Variants in KRT32 observed in about 807,000 individuals in gnomAD.
KRT32 encodes keratin 32.
In KRT32, 44 loss-of-function variants were observed where a neutral mutation model predicts 41.8. The observed-to-expected ratio is 1.05, with a 90% CI of 0.83 to 1.35. The LOEUF (loss-of-function observed/expected upper bound fraction) is 1.35, where lower values mean the gene tolerates loss of function less well. Among genes scored for constraint, KRT32 ranks in the 40% most tolerant of loss-of-function variants. KRT32 has a pLI of 0.00. For missense variants in KRT32, 576 were observed against 584.6 expected (o/e 0.99, Z 0.15); for synonymous variants, 238 against 242.5 (o/e 0.98, Z 0.17).
intron 1 of KRT32, 89 bp downstream of exon 1, chr17:41,466,769 G>C (rs747979325): frequency 2.1e-5 from 20 of 960,002 alleles, no homozygotes; most frequent in Non-Finnish European, 3.1e-5. Context: ...CCTGAACATA[G>C]CTTAATAAGC....
chr17:41,467,372 A>G lies in KRT32; in HGVS notation c.-47T>C. 1 of 1,431,740 alleles carries G rather than the reference A, an allele frequency of 7.0e-7. No individual in the cohort carries two copies. 88.7% of individuals were successfully genotyped at this position (1,431,740 alleles called of 1,614,324 possible). A position where few individuals can be genotyped will look rare whatever the true frequency, so the allele number is the denominator to read the frequency against. On this transcript the variant is annotated 5_prime_UTR_variant, in exon 1 of 7. Transcript: ENST00000225899. The stretch of plus-strand genomic sequence containing the variant: ...CAGCCACAGCTACCTGGATGTCTAC[A>G]GACCCCATGCCGCCCGGGCCATTTT...
intron 5 of KRT32, among the ~76,000 whole-genome samples, chr17:41,463,402 C>T (rs1485038872): frequency 6.6e-6 from 1 of 152,156 alleles, no homozygotes; most frequent in Non-Finnish European, 1.5e-5. Context: ...ACATGGGAGC[C>T]CTCAAAAAAT....
intron 2 of KRT32, 50 bp from the exon 3 acceptor site, chr17:41,465,979 C>T (rs1317580465): frequency 6.2e-7 from 1 of 1,603,050 alleles, no homozygotes. Flanking sequence ...ATGCAGAACT[C>T]AGGGAAGGCC....
chr17:41,463,828 T>C (rs1567701327), intron 5 of KRT32, among the ~76,000 whole-genome samples: 1 of 152,212 alleles, frequency 6.6e-6, no homozygotes, highest in Non-Finnish European at 1.5e-5. Flanking sequence ...AAGGGCAGGC[T>C]AAGCACAGAA....
At position 41,465,919 on chromosome 17, in the gene KRT32, C is replaced by G; in HGVS notation, c.562G>C (p.Glu188Gln). The G allele has an allele frequency of 6.2e-7, 1 of 1,613,438 alleles. No homozygotes were observed. The highest frequency in any genetic ancestry group is 8.5e-7 in the Non-Finnish European group (1 of 1,179,516). ...ADDFRAKYEA[E>Q]LAMRQLVEAD... is the part of the protein sequence containing the mutation. ...TCCACCAGCTGCCGCATGGCCAGCT[C>G]TGCCTCGTACCTGCACAAGGACAGG... The change falls in exon 3 of 7, where the codon GAG (glutamate) becomes CAG (glutamine). Residue 188 changes from glutamate (E) to glutamine (Q), a missense_variant. By Grantham distance (29) the Glu-to-Gln change is conservative. Transcript: ENST00000225899.
Position 41,460,099 on chromosome 17 carries a change from A to C in KRT32, c.*11T>G, listed in dbSNP as rs887967763. ...CCCAGGCCCTCCAGGATCCACTGGC[A>C]CAAAGGGACTTCAGTAGCGGCCCTG... On this transcript the variant is annotated 3_prime_UTR_variant, in exon 7 of 7. Coordinates refer to ENST00000225899, the MANE Select transcript of KRT32 (RefSeq NM_002278.3). 1 of 1,594,966 alleles carries C rather than the reference A, an allele frequency of 6.3e-7. No individual in the cohort carries two copies. Among genetic ancestry groups the C allele is most frequent in the Non-Finnish European group, 8.5e-7 (1 of 1,170,698 alleles).
chr17:41,463,787 G>A (rs1426307120), intron 5 of KRT32, among the ~76,000 whole-genome samples: 1 of 152,178 alleles, frequency 6.6e-6, no homozygotes. Flanking sequence ...CTGGGCATCA[G>A]GATGGGTGAT....
intron 6 of KRT32, 43 bp downstream of exon 6, chr17:41,462,787 A>T (rs2019015744): frequency 6.2e-7 from 1 of 1,604,236 alleles, no homozygotes; most frequent in African/African-American, 1.3e-5. Flanking sequence ...ACCTCCCAGA[A>T]TCCCTGCCCA....
intron 6 of KRT32, among the ~76,000 whole-genome samples, chr17:41,461,374 T>C (rs1052107438): frequency 3.9e-5 from 6 of 152,212 alleles, no homozygotes; most frequent in Non-Finnish European, 8.8e-5. Context: ...TCTCAGAGAC[T>C]GACAGGCATG....
Position 41,465,895 on chromosome 17 carries a change from C to T in KRT32, c.586G>A (p.Glu196Lys). The change falls in exon 3 of 7, where the codon GAG becomes AAG. Residue 196 changes from glutamate to lysine, a missense_variant. Physicochemically the swap from Glu to Lys is moderately conservative, Grantham distance 56. Coordinates refer to ENST00000225899, the MANE Select transcript of KRT32 (RefSeq NM_002278.3). ...EAELAMRQLV[E>K]ADINGLRRIL... ...CTGCGCAGGCCATTGATGTCGGCCT[C>T]CACCAGCTGCCGCATGGCCAGCTCT... 9 of 1,614,004 alleles carry T rather than the reference C, an allele frequency of 5.6e-6. No homozygotes were observed. The highest frequency in any genetic ancestry group is 4.4e-5 in the South Asian group (4 of 91,068).
rs1260186376 is a variant in KRT32, at chr17:41,466,963, A to G, written c.363T>C (p.Asn121=). Residue 121 remains asparagine, a synonymous_variant, in exon 1 of 7, where the codon AAT becomes AAC. Transcript: ENST00000225899. ...CTTGGATCCTGCTCTCCAGCTCCGC[A>G]TTCTCCTGCTCCAGCTGCCGCACCC... ...LTRVRQLEQE[N]AELESRIQEA... 7.4e-6 allele frequency: 12 copies of G among 1,614,216 alleles called. No individual in the cohort carries two copies. In the East Asian group the frequency reaches 2.5e-4, roughly 33 times the overall value.
chr17:41,467,185 C>T lies in KRT32; in HGVS notation c.141G>A (p.Leu47=), dbSNP rs763094161. The change falls in exon 1 of 7, where the codon CTG becomes CTA. Residue 47 remains leucine (L), a synonymous_variant. Transcript: ENST00000225899. Reference sequence around the variant, plus strand: ...AGGTGGTGGGCAGGCAGACCGAAGGCAGGCATGCCATGGGCTGGCAGACAT... The same window carrying T: ...AGGTGGTGGGCAGGCAGACCGAAGGTAGGCATGCCATGGGCTGGCAGACAT... The part of the protein sequence containing the change: ...LGYVCQPMAC[L]PSVCLPTTFR... 1 of 1,613,960 alleles carries T rather than the reference C, an allele frequency of 6.2e-7. No individual in the cohort carries two copies. Among genetic ancestry groups the T allele is most frequent in the Admixed American group, 1.7e-5 (1 of 60,030 alleles).
At chr17:41,463,132 C>T (rs2019024232) in intron 5 of KRT32, 82 bp from the exon 6 acceptor site, 5 of 1,367,374 alleles carry the variant, frequency 3.7e-6, no homozygotes, top group Non-Finnish European at 5.0e-6. Context: ...AGAGCCAAAT[C>T]TCCCTTTGAT....
At position 41,464,305 on chromosome 17, in the gene KRT32, C is replaced by T. The variant is rs116221624; in HGVS notation, c.847G>A (p.Val283Met). The change falls in exon 4 of 7, where the codon GTG becomes ATG. Residue 283 changes from valine (V) to methionine (M), a missense_variant. Val to Met is a conservative substitution (Grantham distance 21, BLOSUM62 1). Transcript: ENST00000225899. Reference sequence around the variant, plus strand: ...ACCTGCATATTGAACCATTCCTCCACGTCCCTGCGGTTGGCCTCCACCATG... The same window carrying T: ...ACCTGCATATTGAACCATTCCTCCATGTCCCTGCGGTTGGCCTCCACCATG... ...EAMVEANRRD[V>M]EEWFNMQMEE... The T allele has an allele frequency of 7.3e-4, 1,174 of 1,606,562 alleles. 5 individuals are homozygous for T. In the African/African-American group the frequency reaches 0.013, roughly 17 times the overall value.
chr17:41,463,960 G>T, intron 5 of KRT32, 118 bp downstream of exon 5: 1 of 1,068,636 alleles, frequency 9.4e-7, no homozygotes, highest in Non-Finnish European at 1.3e-6. Flanking sequence ...AAGTCAACAG[G>T]ATGAGCATCC....
Position 41,464,120 on chromosome 17 carries a change from C to T in KRT32, c.954G>A (p.Thr318=), listed in dbSNP as rs371378999. ...GCAGCTCGATCTCCAGCGTGTTGAC[C>T]GTGCGTCTCAGGTCAATGATGTCTG... The part of the protein sequence containing the change: ...YQSDIIDLRR[T]VNTLEIELQA... Residue 318 remains threonine (T), a synonymous_variant, in exon 5 of 7, where the codon ACG becomes ACA. Coordinates refer to ENST00000225899, the MANE Select transcript of KRT32 (RefSeq NM_002278.3). 1.4e-5 allele frequency: 23 copies of T among 1,611,842 alleles called. 1 individual carries two copies. The highest frequency in any genetic ancestry group is 8.9e-5 in the East Asian group (4 of 44,854).
chr17:41,466,885 G>A lies in KRT32; in HGVS notation c.441C>T (p.Phe147=), dbSNP rs143481706. 2.0e-5 allele frequency: 33 copies of A among 1,613,828 alleles called. No homozygotes were observed. In the African/African-American group the frequency reaches 3.6e-4, roughly 18 times the overall value. Residue 147 remains phenylalanine (F), a synonymous_variant, in exon 1 of 7, where the codon TTC becomes TTT. Coordinates refer to ENST00000225899, the MANE Select transcript of KRT32 (RefSeq NM_002278.3). ...LTMTPDYQSH[F]RTIEELQQKI... ...TCTGCTGGAGCTCCTCAATGGTCCT[G>A]AAATGAGACTGGTAGTCAGGAGTCA...
At chr17:41,462,088 A>G (rs1446602193) in intron 6 of KRT32, among the ~76,000 whole-genome samples, 1 of 152,134 alleles carries the variant, frequency 6.6e-6, no homozygotes, top group Non-Finnish European at 1.5e-5. Context: ...CTTGAGAGAC[A>G]TTTACTGAGC....
At chr17:41,465,990 T>G in intron 2 of KRT32, 61 bp from the exon 3 acceptor site, 1 of 1,602,688 alleles carries the variant, frequency 6.2e-7, no homozygotes, top group Admixed American at 1.7e-5. Context: ...AGGGAAGGCC[T>G]TAAACTGCCG....
Sources: gnomAD v4.1 joint callset for allele counts (sites outside exome capture counted in the v4.1 genomes callset) on GRCh38, gnomAD v4.1.1 for gene constraint, MANE v1.5 for transcripts, NCBI Gene and HGNC (gene_info 2026-07-23, HGNC 2026-07-21) for gene names.